The following BRD4 variants were observed in gnomAD, a reference collection of about 807,000 sequenced individuals.
The protein encoded by BRD4 is bromodomain containing 4, also known as bromodomain-containing protein 4.
BRD4 carries 16 observed loss-of-function variants against 142.1 expected under a neutral mutation model. That is an observed-to-expected ratio of 0.11 (90% CI 0.08 to 0.17). The LOEUF (loss-of-function observed/expected upper bound fraction) is 0.17. Ranked by LOEUF, BRD4 falls within the 10% of genes least tolerant of loss-of-function variation. The pLI, the probability that BRD4 is intolerant of heterozygous loss-of-function variation, is 1.00. For missense variants in BRD4, 1,424 were observed against 1,810.9 expected (o/e 0.79, Z 3.88); for synonymous variants, 833 against 707.5 (o/e 1.18, Z -2.82).
intron 1 of BRD4, among the ~76,000 whole-genome samples, chr19:15,330,402 G>C (rs1298444020): frequency 3.3e-5 from 5 of 152,058 alleles, no homozygotes; most frequent in Non-Finnish European, 5.9e-5. Context: ...TATCTACAAC[G>C]CATCAGTGAT....
rs2048154915 is a variant in BRD4, at chr19:15,331,244, A to AGTGGACG, written c.-35+1045_-35+1046insCGTCCAC. ...TGACTCATGCACCGGCCTGAACTAA[A>AGTGGACG]GTATTTACACCGTCCACTACAACAG... On this transcript the variant is annotated intron_variant, in intron 1 of 19. Transcript: ENST00000679869. 2.0e-5 allele frequency among the ~76,000 whole-genome samples: 3 copies of AGTGGACG among 152,358 alleles called. No individual in the cohort carries two copies. In the East Asian group the frequency reaches 5.8e-4, roughly 29 times the overall value.
chr19:15,309,534 TAATG>T (rs2047948201), intron 1 of BRD4, among the ~76,000 whole-genome samples: 1 of 152,032 alleles, frequency 6.6e-6, no homozygotes, highest in Non-Finnish European at 1.5e-5. Context: ...AAAACATAAA[TAATG>T]AATGTCCCAG....
intron 1 of BRD4, among the ~76,000 whole-genome samples, chr19:15,323,177 T>TAAAAAAAAAAAA (rs1568412782): frequency 3.1e-5 from 1 of 32,234 alleles, no homozygotes; most frequent in African/African-American, 3.2e-4. Context: ...CTCCATCTCT[T>TAAAAAAAAAAAA]TAAAAAAAAA....
intron 1 of BRD4, among the ~76,000 whole-genome samples, chr19:15,298,323 T>C (rs989248667): frequency 2.0e-5 from 3 of 152,186 alleles, no homozygotes; most frequent in Non-Finnish European, 4.4e-5. Flanking sequence ...GCAAAATGCT[T>C]TCTTTGCATT....
chr19:15,236,595 C>T lies in BRD4; in HGVS notation c.*1782G>A, dbSNP rs971392543. On this transcript the variant is annotated 3_prime_UTR_variant, in exon 20 of 20. Coordinates refer to ENST00000679869, the MANE Select transcript of BRD4 (RefSeq NM_001379291.1). ...TGGCCAGGGTTCTGCTAGAGCACAC[C>T]CTCCACCTCAGCCAGGGTCCACAAG... 6.5e-6 allele frequency: 1 copy of T among 154,678 alleles called. No homozygotes were observed. The highest frequency in any genetic ancestry group is 2.4e-5 in the African/African-American group (1 of 41,360). The allele number at this position is 154,678 out of a possible 1,614,324, so 9.6% of individuals were successfully genotyped here. A position where few individuals can be genotyped will look rare whatever the true frequency, so the allele number is the denominator to read the frequency against.
chr19:15,284,248 A>T (rs1211445467), intron 1 of BRD4, among the ~76,000 whole-genome samples: 1 of 152,226 alleles, frequency 6.6e-6, no homozygotes, highest in Non-Finnish European at 1.5e-5. Flanking sequence ...CATTAGGTAC[A>T]GAATCCAATC....
chr19:15,302,967 C>T (rs568349087), intron 1 of BRD4, among the ~76,000 whole-genome samples: 79 of 147,164 alleles, frequency 5.4e-4, no homozygotes, highest in African/African-American at 1.4e-3. Flanking sequence ...GAGATCGCGC[C>T]ACTGCACTCC....
chr19:15,279,171 CA>C (rs1568395669), intron 1 of BRD4, among the ~76,000 whole-genome samples: 2 of 152,154 alleles, frequency 1.3e-5, no homozygotes, highest in South Asian at 2.1e-4. Flanking sequence ...ATGTTCTTTG[CA>C]ATCATAATAT....
At chr19:15,316,130 T>A (rs970899380) in intron 1 of BRD4, among the ~76,000 whole-genome samples, 2 of 115,286 alleles carry the variant, frequency 1.7e-5, no homozygotes, top group African/African-American at 7.0e-5. Context: ...CACTCCAGAC[T>A]GGGCGACAGA....
chr19:15,255,213 GA>G, intron 10 of BRD4, 83 bp downstream of exon 10: 1 of 1,331,532 alleles, frequency 7.5e-7, no homozygotes. Flanking sequence ...GGGGGGCGCA[GA>G]AAGAGTGGAC....
intron 1 of BRD4, among the ~76,000 whole-genome samples, chr19:15,288,694 G>A (rs560064756): frequency 6.6e-6 from 1 of 152,234 alleles, no homozygotes; most frequent in Non-Finnish European, 1.5e-5. Flanking sequence ...ACACAGGGCC[G>A]CCGAAGGGAG....
At chr19:15,284,769 T>C (rs2047728106) in intron 1 of BRD4, among the ~76,000 whole-genome samples, 1 of 152,032 alleles carries the variant, frequency 6.6e-6, no homozygotes, top group Admixed American at 6.5e-5. Flanking sequence ...TTTCAGAATA[T>C]AAAGGAGCAG....
chr19:15,244,795 G>C, intron 11 of BRD4, 33 bp from the exon 12 acceptor site: 3 of 1,613,898 alleles, frequency 1.9e-6, no homozygotes, highest in Non-Finnish European at 2.5e-6. Context: ...GTGAGGCTCT[G>C]GGGGAGAAGG....
chr19:15,263,118 T>C (rs1362283287), intron 7 of BRD4, among the ~76,000 whole-genome samples: 1 of 152,070 alleles, frequency 6.6e-6, no homozygotes, highest in Non-Finnish European at 1.5e-5. Flanking sequence ...CCCAACCCAC[T>C]TGAGACAGGT....
At chr19:15,313,911 G>T (rs2047995358) in intron 1 of BRD4, among the ~76,000 whole-genome samples, 1 of 152,066 alleles carries the variant, frequency 6.6e-6, no homozygotes, top group Non-Finnish European at 1.5e-5. Context: ...TCAATAACCA[G>T]AAACATCAAG....
rs777645654 is a variant in BRD4 at position 15,243,145 on chromosome 19, GGCGGCTGCTGCT to G, written c.2912_2923del (p.Gln971_Pro974del). 8.6e-7 allele frequency: 1 copy of G among 1,165,676 alleles called. No individual in the cohort carries two copies. The highest frequency in any genetic ancestry group is 1.7e-5 in the African/African-American group (1 of 59,534). The allele number at this position is 1,165,676 out of a possible 1,614,324, so 72.2% of individuals were successfully genotyped here. ...CTGGGGCTGGGGTGGTGGGGGTGGT[GGCGGCTGCTGCT>G]GCAGCTGCTGCTGCACAGAGGGGTG... is the stretch of plus-strand genomic sequence containing the variant. On this transcript the variant is annotated inframe_deletion, in exon 14 of 20. Coordinates refer to ENST00000679869, the MANE Select transcript of BRD4 (RefSeq NM_001379291.1).
In BRD4 at chr19:15,274,555, G is replaced by A. The variant is rs564151968; in HGVS notation, c.-34-1422C>T. Among the ~76,000 whole-genome samples the A allele has an allele frequency of 2.0e-5, 3 of 152,362 alleles. No individual in the cohort carries two copies. In the East Asian group the frequency reaches 5.8e-4, roughly 29 times the overall value. On this transcript the variant is annotated intron_variant, in intron 1 of 19. Transcript: ENST00000679869. ...GCACACGCCAGGTAAGTGATGGCAG[G>A]CAGGGGCAGGAGCAGCCCAGCCACA...
At chr19:15,273,989 C>CT (rs1224348615) in intron 1 of BRD4, among the ~76,000 whole-genome samples, 1 of 152,104 alleles carries the variant, frequency 6.6e-6, no homozygotes, top group Non-Finnish European at 1.5e-5. Flanking sequence ...ATTACACAAA[C>CT]TTTTTTTGTA....
intron 11 of BRD4, chr19:15,247,910 T>A: frequency 4.4e-6 from 1 of 226,384 alleles, no homozygotes; most frequent in Non-Finnish European, 8.8e-6. Context: ...GGCTAGCCCC[T>A]GCTTCCACAG....
Sources: gnomAD v4.1 joint callset for allele counts (sites outside exome capture counted in the v4.1 genomes callset) on GRCh38, gnomAD v4.1.1 for gene constraint, MANE v1.5 for transcripts, NCBI Gene and HGNC (gene_info 2026-07-23, HGNC 2026-07-21) for gene names.